MTCL2: variants seen among roughly 807,000 people sequenced by gnomAD.
MTCL2 encodes microtubule crosslinking factor 2.
the MTCL2 span, chr20:36,859,945 A>G: frequency 8.1e-7 from 1 of 1,229,576 alleles, no homozygotes; most frequent in Non-Finnish European, 1.0e-6. Context: ...CTCTGGCCAC[A>G]GTTTTCCCAT....
At chr20:36,785,867 A>T in the MTCL2 span, 1 of 985,912 alleles carries the variant, frequency 1.0e-6, no homozygotes. Context: ...GCTCCAGGAC[A>T]CTAAGCAATG....
the MTCL2 span, among the ~76,000 whole-genome samples, chr20:36,809,020 C>G: frequency 5.9e-5 from 9 of 152,338 alleles, no homozygotes; most frequent in Non-Finnish European, 1.3e-4. Context: ...AAATGTCTCA[C>G]ACGAATGCTC....
At chr20:36,795,844 A>C in the MTCL2 span, among the ~76,000 whole-genome samples, 2 of 152,202 alleles carry the variant, frequency 1.3e-5, no homozygotes, top group African/African-American at 2.4e-5. Flanking sequence ...CACAGAGTTA[A>C]TGAGTTCACA....
At chr20:36,778,908 TAAAG>T in the MTCL2 span, 20 of 152,114 alleles carry the variant, frequency 1.3e-4, no homozygotes, top group African/African-American at 3.9e-4. Context: ...GGCTTCCAAA[TAAAG>T]AGTGACAAGG....
the MTCL2 span, chr20:36,797,582 G>C: frequency 6.4e-7 from 1 of 1,555,116 alleles, no homozygotes; most frequent in Non-Finnish European, 8.7e-7. Flanking sequence ...AGCTGGGCAA[G>C]GGCAGAGAGG....
chr20:36,842,015 G>A, the MTCL2 span, among the ~76,000 whole-genome samples: 7 of 151,976 alleles, frequency 4.6e-5, no homozygotes, highest in Non-Finnish European at 7.4e-5. Context: ...ACAGGCATAA[G>A]CCACCATGCC....
the MTCL2 span, chr20:36,784,262 C>G: frequency 1.0e-6 from 1 of 985,854 alleles, no homozygotes; most frequent in Non-Finnish European, 1.2e-6. Context: ...AAGAGCGGAA[C>G]TGGCCCACAG....
chr20:36,799,218 C>T, the MTCL2 span, among the ~76,000 whole-genome samples: 2 of 152,028 alleles, frequency 1.3e-5, no homozygotes, highest in East Asian at 1.9e-4. Flanking sequence ...TTGCCGGGCA[C>T]GGTGGCTCAC....
chr20:36,777,768 G>A, the MTCL2 span: 2 of 599,624 alleles, frequency 3.3e-6, no homozygotes, highest in Non-Finnish European at 6.0e-6. Context: ...TGAGTGGGAA[G>A]GGGGTTCACA....
the MTCL2 span, among the ~76,000 whole-genome samples, chr20:36,819,225 C>T: frequency 2.0e-5 from 3 of 152,082 alleles, no homozygotes; most frequent in African/African-American, 7.3e-5. Flanking sequence ...CGCTTCCTCC[C>T]AAGAGAGGAG....
At chr20:36,800,761 G>A in the MTCL2 span, among the ~76,000 whole-genome samples, 117 of 152,242 alleles carry the variant, frequency 7.7e-4, no homozygotes, top group Non-Finnish European at 1.3e-3. Flanking sequence ...CAATGAGATA[G>A]CATTTCACAC....
the MTCL2 span, among the ~76,000 whole-genome samples, chr20:36,821,351 G>A: frequency 1.3e-5 from 2 of 151,732 alleles, no homozygotes; most frequent in East Asian, 1.9e-4. Context: ...GAGAAACCCC[G>A]TCTCTACTAA....
chr20:36,823,790 A>C, the MTCL2 span, among the ~76,000 whole-genome samples: 1 of 152,340 alleles, frequency 6.6e-6, no homozygotes, highest in East Asian at 1.9e-4. Context: ...CCTGAGTGAC[A>C]CAGCAAGACT....
chr20:36,786,204 C>T, the MTCL2 span: 2 of 1,107,444 alleles, frequency 1.8e-6, no homozygotes, highest in South Asian at 6.6e-5. Context: ...GGGATCGGCT[C>T]TTGACAGATC....
At chr20:36,848,193 G>A in the MTCL2 span, among the ~76,000 whole-genome samples, 1 of 152,130 alleles carries the variant, frequency 6.6e-6, no homozygotes, top group African/African-American at 2.4e-5. Context: ...ATCAGAACTG[G>A]TCGCAGATCC....
chr20:36,828,798 A>G, the MTCL2 span: 1 of 439,306 alleles, frequency 2.3e-6, no homozygotes, highest in Non-Finnish European at 4.0e-6. Context: ...TCTCTCTCTC[A>G]TTACCCCGTG....
chr20:36,786,434 T>A, the MTCL2 span: 1 of 1,487,540 alleles, frequency 6.7e-7, no homozygotes, highest in Non-Finnish European at 9.0e-7. Context: ...GCTGGTTCCC[T>A]TCTGCTATCC....
At chr20:36,812,781 C>A in the MTCL2 span, 2 of 1,613,864 alleles carry the variant, frequency 1.2e-6, no homozygotes. Flanking sequence ...GAGTCCAAGT[C>A]ACCAGTGCGG....
the MTCL2 span, among the ~76,000 whole-genome samples, chr20:36,821,244 G>A: frequency 6.6e-6 from 1 of 152,168 alleles, no homozygotes; most frequent in African/African-American, 2.4e-5. Flanking sequence ...TATTCTGGCT[G>A]GATGCAGTGG....
Sources: allele counts gnomAD v4.1 joint callset (sites outside exome capture counted in the v4.1 genomes callset), GRCh38; gene constraint gnomAD v4.1.1; transcripts MANE v1.5; gene names NCBI Gene and HGNC (gene_info 2026-07-23, HGNC 2026-07-21).